UGT3A2: variants seen among roughly 807,000 people sequenced by gnomAD.
UGT3A2 encodes UDP glycosyltransferase family 3 member A2, also known as UDP-glycosyltransferase 3A2.
UGT3A2 carries 32 observed loss-of-function variants against 39.8 expected under a neutral mutation model. The observed-to-expected ratio is 0.80, with a 90% CI of 0.61 to 1.08. The LOEUF (loss-of-function observed/expected upper bound fraction) is 1.08. UGT3A2 is among the 50% of genes least tolerant of loss of function. UGT3A2 has a pLI of 0.00. For synonymous variants in UGT3A2, 241 were observed against 230.7 expected (o/e 1.04, Z -0.40); for missense variants, 611 against 637.1 (o/e 0.96, Z 0.44).
chr5:36,036,208 C>T (rs529107143), intron 6 of UGT3A2, among the ~76,000 whole-genome samples: 2 of 152,048 alleles, frequency 1.3e-5, no homozygotes, highest in Non-Finnish European at 2.9e-5. Flanking sequence ...AAGACTAGTC[C>T]CTACTCCAAG....
chr5:36,054,561 A>C (rs1742446895), intron 2 of UGT3A2, among the ~76,000 whole-genome samples: 1 of 152,220 alleles, frequency 6.6e-6, no homozygotes, highest in Non-Finnish European at 1.5e-5. Flanking sequence ...TAATCCATTC[A>C]GTGGCAAAAT....
chr5:36,042,074 C>CA (rs963343106), intron 4 of UGT3A2, among the ~76,000 whole-genome samples: 3 of 151,682 alleles, frequency 2.0e-5, no homozygotes, highest in Non-Finnish European at 2.9e-5. Flanking sequence ...GAATTAAAAA[C>CA]AAAAAAGTAG....
chr5:36,045,220 GA>G (rs1434020536), intron 4 of UGT3A2, among the ~76,000 whole-genome samples: 3 of 151,966 alleles, frequency 2.0e-5, no homozygotes, highest in African/African-American at 7.3e-5. Context: ...AGGGTGCCAA[GA>G]ACATAAAGAC....
chr5:36,066,873 C>A lies in UGT3A2; in HGVS notation c.-84G>T. ...AGGGACCCTGTGCACCTCAGTGCGC[C>A]AAAGGCACTGGCTGTGGGTAGAGGT... On this transcript the variant is annotated 5_prime_UTR_variant, in exon 1 of 7. Transcript: ENST00000282507. 6.7e-7 allele frequency: 1 copy of A among 1,488,472 alleles called. No individual in the cohort carries two copies. The highest frequency in any genetic ancestry group is 9.4e-7 in the Non-Finnish European group (1 of 1,067,324). 92.2% of individuals were successfully genotyped at this position (1,488,472 alleles called of 1,614,324 possible).
chr5:36,037,775 A>G (rs761361480), intron 6 of UGT3A2, 22 bp downstream of exon 6: 9 of 1,613,800 alleles, frequency 5.6e-6, no homozygotes, highest in Non-Finnish European at 7.6e-6. Context: ...CATTATGACC[A>G]CAACCCCAAG....
chr5:36,050,844 A>T (rs1742320744), intron 3 of UGT3A2, among the ~76,000 whole-genome samples: 1 of 145,482 alleles, frequency 6.9e-6, no homozygotes, highest in African/African-American at 2.6e-5. Flanking sequence ...CCTGGGCAAC[A>T]AGAGCAAAAC....
At chr5:36,047,602 A>G (rs1742206311) in intron 4 of UGT3A2, among the ~76,000 whole-genome samples, 1 of 152,182 alleles carries the variant, frequency 6.6e-6, no homozygotes, top group African/African-American at 2.4e-5. Context: ...TTTTATACTG[A>G]CAAGGCAACA....
intron 2 of UGT3A2, among the ~76,000 whole-genome samples, chr5:36,059,361 C>CTTTT (rs35872759): frequency 3.0e-4 from 36 of 118,720 alleles, no homozygotes; most frequent in Middle Eastern, 4.6e-3. Context: ...TTTCTTTTCT[C>CTTTT]TTTTTTTTTT....
intron 5 of UGT3A2, among the ~76,000 whole-genome samples, chr5:36,038,479 A>G (rs534249550): frequency 3.9e-5 from 6 of 152,294 alleles, no homozygotes; most frequent in African/African-American, 1.2e-4. Context: ...ATCACAACTC[A>G]TATGTCACTC....
intron 1 of UGT3A2, among the ~76,000 whole-genome samples, chr5:36,065,548 TAAGAA>T (rs1742854457): frequency 6.6e-6 from 1 of 152,116 alleles, no homozygotes; most frequent in South Asian, 2.1e-4. Flanking sequence ...TTCAAGAAGT[TAAGAA>T]GCTCTGTTGC....
chr5:36,035,857 G>C lies in UGT3A2; in HGVS notation c.1413C>G (p.Leu471=). 6.2e-7 allele frequency: 1 copy of C among 1,614,196 alleles called. No homozygotes were observed. The highest frequency in any genetic ancestry group is 8.5e-7 in the Non-Finnish European group (1 of 1,180,036). ...HVLQTGGATH[L]KPYVFQQPWH... is the part of the protein sequence containing the mutation. Reference sequence around the variant, plus strand: ...AGGGCTGCTGAAAGACATAGGGCTTGAGGTGCGTCGCGCCCCCTGTCTGGA... The same window carrying C: ...AGGGCTGCTGAAAGACATAGGGCTTCAGGTGCGTCGCGCCCCCTGTCTGGA... Residue 471 remains leucine, a synonymous_variant, in exon 7 of 7, where the codon CTC becomes CTG. Transcript: ENST00000282507.
At chr5:36,046,932 C>A (rs1358252089) in intron 4 of UGT3A2, among the ~76,000 whole-genome samples, 1 of 152,152 alleles carries the variant, frequency 6.6e-6, no homozygotes, top group Non-Finnish European at 1.5e-5. Context: ...ATCTCAGGAT[C>A]CCCAAATCTA....
In UGT3A2 at chr5:36,066,437, T is replaced by C. The variant is rs574002643; in HGVS notation, c.94+259A>G. ...AGTCTCAAATTTCTGGCCCCAGCCC[T>C]GCGGGATGGGGGCGCGTCCTGAACA... On this transcript the variant is annotated intron_variant, in intron 1 of 6. Transcript: ENST00000282507. Among the ~76,000 whole-genome samples the C allele has an allele frequency of 6.6e-5, 10 of 152,262 alleles. No individual in the cohort carries two copies. In the East Asian group the frequency reaches 1.9e-3, roughly 29 times the overall value.
intron 2 of UGT3A2, among the ~76,000 whole-genome samples, chr5:36,058,757 T>C (rs1742592284): frequency 6.7e-6 from 1 of 149,312 alleles, no homozygotes; most frequent in Non-Finnish European, 1.5e-5. Flanking sequence ...CAGTTTCTTT[T>C]GTCTTAGGTT....
At position 36,035,881 on chromosome 5, in the gene UGT3A2, G is replaced by C. The variant is rs761277758; in HGVS notation, c.1389C>G (p.Leu463=). The C allele has an allele frequency of 1.9e-6, 3 of 1,614,198 alleles. No individual in the cohort carries two copies. In the South Asian group the frequency reaches 3.3e-5, roughly 18 times the overall value. The change falls in exon 7 of 7, where the codon CTC becomes CTG. Residue 463 remains leucine (L), a synonymous_variant. Coordinates refer to ENST00000282507, the MANE Select transcript of UGT3A2 (RefSeq NM_174914.4). ...TGAGGTGCGTCGCGCCCCCTGTCTG[G>C]AGGACGTGGTCAATCCAGCCCACCA... is the stretch of plus-strand genomic sequence containing the variant. ...QRLVGWIDHV[L]QTGGATHLKP...
At chr5:36,042,354 T>C (rs990751453) in intron 4 of UGT3A2, among the ~76,000 whole-genome samples, 2 of 152,120 alleles carry the variant, frequency 1.3e-5, no homozygotes, top group African/African-American at 2.4e-5. Context: ...TTGCAAGCCT[T>C]GTAGTAACCT....
At position 36,042,129 on chromosome 5, in the gene UGT3A2, C is replaced by G. The variant is rs149291215; in HGVS notation, c.844-2421G>C. ...GCATTTGACATAACGAAGAATGCCT[C>G]AGAGTCTCTTAACAGAAGAATTGAT... On this transcript the variant is annotated intron_variant, in intron 4 of 6. Coordinates refer to ENST00000282507, the MANE Select transcript of UGT3A2 (RefSeq NM_174914.4). Among the ~76,000 whole-genome samples the G allele has an allele frequency of 5.3e-3, 801 of 151,920 alleles. 14 individuals carry two copies. The highest frequency in any genetic ancestry group is 0.019 in the African/African-American group (771 of 41,434).
At position 36,049,044 on chromosome 5, in the gene UGT3A2, T is replaced by C; in HGVS notation, c.688A>G (p.Thr230Ala). 6.2e-7 allele frequency: 1 copy of C among 1,614,208 alleles called. No individual in the cohort carries two copies. The highest frequency in any genetic ancestry group is 8.5e-7 in the Non-Finnish European group (1 of 1,180,038). ...TFDNTIKEHF[T>A]EGSRPVLSHL... is the part of the protein sequence containing the mutation. ...GACAAAACTGGCCTAGAGCCTTCTG[T>C]GAAATGTTCCTTGATGGTGTTGTCA... The change falls in exon 4 of 7, where the codon ACA (threonine) becomes GCA (alanine). Residue 230 changes from threonine to alanine, a missense_variant. Thr to Ala is a moderately conservative substitution (Grantham distance 58). Transcript: ENST00000282507.
intron 2 of UGT3A2, among the ~76,000 whole-genome samples, chr5:36,061,800 C>T (rs538964657): frequency 6.6e-6 from 1 of 152,018 alleles, no homozygotes; most frequent in East Asian, 1.9e-4. Flanking sequence ...GTTCTAGATC[C>T]CTGATGAATC....
Sources: allele counts gnomAD v4.1 joint callset (sites outside exome capture counted in the v4.1 genomes callset), GRCh38; gene constraint gnomAD v4.1.1; transcripts MANE v1.5; gene names NCBI Gene and HGNC (gene_info 2026-07-23, HGNC 2026-07-21).